Variants in TLCD4 observed in about 807,000 individuals in gnomAD.
The protein encoded by TLCD4 is TLC domain containing 4.
In TLCD4, 7 loss-of-function variants were observed where a neutral mutation model predicts 24.2. The ratio of observed to expected loss-of-function variants is 0.29; its 90% confidence interval spans 0.16 to 0.54. TLCD4 has a LOEUF of 0.54. Ranked by LOEUF, TLCD4 falls within the 20% of genes least tolerant of loss-of-function variation. The probability of loss-of-function intolerance (pLI) is 0.95; values close to 1 mark genes in which losing one functional copy is unlikely to be tolerated. For synonymous variants in TLCD4, 103 were observed against 106.4 expected, an observed-to-expected ratio of 0.97 and a Z score of 0.20; for missense variants, 259 against 313.9, an observed-to-expected ratio of 0.82 and a Z score of 1.32.
chr1:95,099,155 C>T, the TLCD4 span, among the ~76,000 whole-genome samples: 49 of 151,152 alleles, frequency 3.2e-4, no homozygotes, highest in African/African-American at 8.5e-4. Context: ...TGGTCAGGCA[C>T]GGTGGCTCAC....
intron 1 of TLCD4, among the ~76,000 whole-genome samples, chr1:95,129,170 C>CA (rs1269599322): frequency 6.6e-6 from 1 of 152,124 alleles, no homozygotes; most frequent in Admixed American, 6.5e-5. Context: ...TTGTTATAAT[C>CA]AAAACAATCT....
chr1:95,111,757 AGGCTCTT>A, the TLCD4 span, among the ~76,000 whole-genome samples: 1 of 152,142 alleles, frequency 6.6e-6, no homozygotes, highest in Non-Finnish European at 1.5e-5. Flanking sequence ...ATGGTTCACT[AGGCTCTT>A]GGACCCCTGG....
At chr1:95,105,894 TAAAAAAA>T in the TLCD4 span, among the ~76,000 whole-genome samples, 1 of 115,366 alleles carries the variant, frequency 8.7e-6, no homozygotes, top group Non-Finnish European at 1.7e-5. Context: ...GACTCCGTCT[TAAAAAAA>T]AAAAAAAAAA....
intron 5 of TLCD4, among the ~76,000 whole-genome samples, chr1:95,155,038 T>A (rs1677595023): frequency 6.6e-6 from 1 of 151,704 alleles, no homozygotes; most frequent in African/African-American, 2.4e-5. Flanking sequence ...TGCAGTGTAG[T>A]GTAGTATAGT....
At chr1:95,113,111 C>G (rs561147186), upstream of TLCD4, among the ~76,000 whole-genome samples, 1 of 150,594 alleles carries the variant, frequency 6.6e-6, no homozygotes, top group Non-Finnish European at 1.5e-5. Flanking sequence ...GGCGCGATCT[C>G]GGCTCACTGC....
chr1:95,182,779 C>T (rs1678691939), intron 6 of TLCD4, among the ~76,000 whole-genome samples: 1 of 152,060 alleles, frequency 6.6e-6, no homozygotes. Context: ...TGATACTTGT[C>T]ACGTAAGGCT....
Position 95,192,807 on chromosome 1 carries a change from G to A in TLCD4, c.*939G>A. The A allele has an allele frequency of 6.6e-6, 1 of 151,994 alleles. No individual in the cohort carries two copies. The highest frequency in any genetic ancestry group is 1.9e-4 in the East Asian group (1 of 5,194). 9.4% of individuals were successfully genotyped at this position (151,994 alleles called of 1,614,324 possible). On this transcript the variant is annotated 3_prime_UTR_variant, in exon 7 of 7. Coordinates refer to ENST00000370203, the MANE Select transcript of TLCD4 (RefSeq NM_152487.3). ...TTTTAAGATTTTTTCAAATATCACT[G>A]TCATTTCTATTTTAGCATTTTATCA... is the stretch of plus-strand genomic sequence containing the variant.
chr1:95,171,886 G>A (rs1372690651), intron 5 of TLCD4, among the ~76,000 whole-genome samples: 2 of 152,170 alleles, frequency 1.3e-5, no homozygotes, highest in Non-Finnish European at 2.9e-5. Flanking sequence ...TGTAGATGTA[G>A]TTAGTTAAGA....
chr1:95,109,484 G>A, the TLCD4 span, among the ~76,000 whole-genome samples: 1 of 136,690 alleles, frequency 7.3e-6, no homozygotes, highest in Non-Finnish European at 1.6e-5. Flanking sequence ...TCTCATGTAA[G>A]TTTTGCATTT....
chr1:95,191,192 A>G (rs1557700955), intron 6 of TLCD4, among the ~76,000 whole-genome samples: 1 of 152,182 alleles, frequency 6.6e-6, no homozygotes, highest in Admixed American at 6.5e-5. Context: ...CGATGTTGAT[A>G]TACAATTTTG....
intron 1 of TLCD4, among the ~76,000 whole-genome samples, chr1:95,125,056 A>G (rs1387486525): frequency 6.6e-6 from 1 of 152,146 alleles, no homozygotes; most frequent in Non-Finnish European, 1.5e-5. Flanking sequence ...GGTCAGCTTG[A>G]CCCTGTTTCA....
chr1:95,122,079 A>G lies in TLCD4; in HGVS notation c.-12+4462A>G, dbSNP rs373271071. 1.8e-4 allele frequency among the ~76,000 whole-genome samples: 27 copies of G among 152,234 alleles called. 3 individuals are homozygous for G. The highest frequency in any genetic ancestry group is 1.1e-3 in the Admixed American group (17 of 15,288). On this transcript the variant is annotated intron_variant, in intron 1 of 6. Coordinates refer to ENST00000370203, the MANE Select transcript of TLCD4 (RefSeq NM_152487.3). ...AGAAAAGCCTGGAGGAAAAGTACAC[A>G]GGTGGCTGGCGTGGTGGCTCACGCC...
chr1:95,177,861 T>G lies in TLCD4; in HGVS notation c.473+3972T>G, dbSNP rs111364642. On this transcript the variant is annotated intron_variant, in intron 6 of 6. Transcript: ENST00000370203. ...CCTCTCTTGCTACAAATTTTATTAG[T>G]CTCTTTATCAAGAGGTTTGGCATTA... Among the ~76,000 whole-genome samples the G allele has an allele frequency of 2.9e-4, 44 of 152,052 alleles. 3 individuals carry two copies. Among genetic ancestry groups the G allele is most frequent in the African/African-American group, 1.1e-3 (44 of 41,512 alleles).
chr1:95,138,402 A>G (rs1345286732), intron 1 of TLCD4: 2 of 152,254 alleles, frequency 1.3e-5, no homozygotes, highest in South Asian at 2.1e-4. Flanking sequence ...CTGGAAGGGA[A>G]GTGCTCTCAT....
At chr1:95,139,038 A>AG (rs1204013385) in intron 1 of TLCD4, among the ~76,000 whole-genome samples, 1 of 150,424 alleles carries the variant, frequency 6.6e-6, no homozygotes, top group Non-Finnish European at 1.5e-5. Flanking sequence ...AAAAAAAAAA[A>AG]AAAAAATGAG....
chr1:95,195,154 A>G lies in TLCD4; in HGVS notation c.*3286A>G, dbSNP rs1392408904. 3 of 152,172 alleles carry G rather than the reference A, an allele frequency of 2.0e-5. No homozygotes were observed. Among genetic ancestry groups the G allele is most frequent in the East Asian group, 1.9e-4 (1 of 5,198 alleles). 9.4% of individuals were successfully genotyped at this position (152,172 alleles called of 1,614,324 possible). A position where few individuals can be genotyped will look rare whatever the true frequency, so the allele number is the denominator to read the frequency against. ...TAATTTGACTCAAAATTTTTGCTAC[A>G]GGGTCAACTTTTAAATTGTATATTT... On this transcript the variant is annotated 3_prime_UTR_variant, in exon 7 of 7. Coordinates refer to ENST00000370203, the MANE Select transcript of TLCD4 (RefSeq NM_152487.3).
chr1:95,115,575 GAT>G (rs530347435), upstream of TLCD4, among the ~76,000 whole-genome samples: 177 of 152,270 alleles, frequency 1.2e-3, 1 homozygote, highest in Non-Finnish European at 2.0e-3. Context: ...CCTTGTCCTT[GAT>G]ATATTAACTT....
rs1679031560 is a variant in TLCD4, at chr1:95,191,586, T to C, written c.510T>C (p.Ser170=). Residue 170 remains serine (S), a synonymous_variant, in exon 7 of 7, where the codon TCT becomes TCC. Coordinates refer to ENST00000370203, the MANE Select transcript of TLCD4 (RefSeq NM_152487.3). ...AAGCTCTGAAGTATCCCAAGTTTTCTAAAGCTATCGTTATCAATGGAATAC... is the reference window on the plus strand; with the variant it reads ...AAGCTCTGAAGTATCCCAAGTTTTCCAAAGCTATCGTTATCAATGGAATAC... ...FFEALKYPKF[S]KAIVINGILM... 1 of 1,613,344 alleles carries C rather than the reference T, an allele frequency of 6.2e-7. No homozygotes were observed. The highest frequency in any genetic ancestry group is 8.5e-7 in the Non-Finnish European group (1 of 1,179,804).
rs111507210 is a variant in TLCD4, at chr1:95,175,068, G to T, written c.473+1179G>T. On this transcript the variant is annotated intron_variant, in intron 6 of 6. Coordinates refer to ENST00000370203, the MANE Select transcript of TLCD4 (RefSeq NM_152487.3). The stretch of plus-strand genomic sequence containing the variant: ...TGGGGTTACAGGCATGAGCCACTGC[G>T]CCTGGCCCATCTCAACCATTTTTAA... Among the ~76,000 whole-genome samples, 29 of 152,282 alleles carry T rather than the reference G, an allele frequency of 1.9e-4. No individual in the cohort carries two copies. The East Asian group carries it at 4.6e-3, about 24-fold the overall frequency.
Sources: allele counts gnomAD v4.1 joint callset (sites outside exome capture counted in the v4.1 genomes callset), GRCh38; gene constraint gnomAD v4.1.1; transcripts MANE v1.5; gene names NCBI Gene and HGNC (gene_info 2026-07-23, HGNC 2026-07-21).